The following ADAMTS12 variants were observed in gnomAD, a reference collection of about 807,000 sequenced individuals.
ADAMTS12 encodes the protein ADAM metallopeptidase with thrombospondin type 1 motif 12.
ADAMTS12 carries 118 observed loss-of-function variants against 167.8 expected under a neutral mutation model. The observed-to-expected ratio is 0.70, with a 90% confidence interval of 0.61 to 0.82. The LOEUF (loss-of-function observed/expected upper bound fraction) is 0.82. Ranked by LOEUF, ADAMTS12 falls within the 40% of genes least tolerant of loss-of-function variation. The pLI, the probability that ADAMTS12 is intolerant of heterozygous loss-of-function variation, is 0.00. For missense variants in ADAMTS12, 1,916 were observed against 1,998.8 expected (o/e 0.96, Z 0.79); for synonymous variants, 704 against 716.9 (o/e 0.98, Z 0.29).
At chr5:33,559,256 T>G (rs1051513610) in intron 20 of ADAMTS12, among the ~76,000 whole-genome samples, 1 of 152,168 alleles carries the variant, frequency 6.6e-6, no homozygotes, top group African/African-American at 2.4e-5. Context: ...ACCAGCTCCC[T>G]GGAGAGAAGA....
chr5:33,673,404 GC>G (rs1741789809), intron 5 of ADAMTS12, among the ~76,000 whole-genome samples: 1 of 152,052 alleles, frequency 6.6e-6, no homozygotes, highest in African/African-American at 2.4e-5. Flanking sequence ...ACTTTAACCT[GC>G]GATTCCTTCT....
At chr5:33,571,114 C>T (rs1404657886) in intron 19 of ADAMTS12, among the ~76,000 whole-genome samples, 2 of 152,154 alleles carry the variant, frequency 1.3e-5, no homozygotes, top group Admixed American at 6.5e-5. Context: ...GAGTGACCTA[C>T]AAAGAGACTT....
chr5:33,666,965 T>A (rs777680279), intron 5 of ADAMTS12, among the ~76,000 whole-genome samples: 90 of 152,320 alleles, frequency 5.9e-4, no homozygotes, highest in Non-Finnish European at 9.1e-4. Context: ...ACATACTTCA[T>A]CTTATTTGAT....
intron 2 of ADAMTS12, among the ~76,000 whole-genome samples, chr5:33,782,992 A>C (rs972984298): frequency 2.6e-5 from 4 of 152,058 alleles, no homozygotes; most frequent in African/African-American, 4.8e-5. Context: ...GCGCATGCCA[A>C]CTATTCTCCA....
chr5:33,789,224 C>A (rs1447818313), intron 2 of ADAMTS12, among the ~76,000 whole-genome samples: 1 of 152,202 alleles, frequency 6.6e-6, no homozygotes, highest in Non-Finnish European at 1.5e-5. Flanking sequence ...CTGCTGTGTC[C>A]CAGGCCCAAG....
chr5:33,641,755 C>T, intron 11 of ADAMTS12, 55 bp downstream of exon 11: 2 of 1,472,372 alleles, frequency 1.4e-6, no homozygotes, highest in Non-Finnish European at 1.8e-6. Context: ...AGACTGCCCC[C>T]CATCCCGCCC....
chr5:33,611,952 T>C (rs1354744481), intron 16 of ADAMTS12, among the ~76,000 whole-genome samples: 1 of 152,230 alleles, frequency 6.6e-6, no homozygotes. Context: ...CAATTTTTCA[T>C]GTTTCAGTAA....
At chr5:33,551,920 C>T (rs1745267803) in intron 20 of ADAMTS12, among the ~76,000 whole-genome samples, 1 of 152,134 alleles carries the variant, frequency 6.6e-6, no homozygotes, top group Admixed American at 6.6e-5. Flanking sequence ...TTTCTTATTG[C>T]CTGAGAGGAA....
At chr5:33,603,956 A>C (rs549877554) in intron 16 of ADAMTS12, among the ~76,000 whole-genome samples, 1 of 152,340 alleles carries the variant, frequency 6.6e-6, no homozygotes, top group African/African-American at 2.4e-5. Context: ...GAGCTCTGTC[A>C]GGCTCCTGGC....
Position 33,576,703 on chromosome 5 carries a change from C to T in ADAMTS12, c.3323G>A (p.Ser1108Asn). 8 of 1,614,222 alleles carry T rather than the reference C, an allele frequency of 5.0e-6. No individual in the cohort carries two copies. Among genetic ancestry groups the T allele is most frequent in the Non-Finnish European group, 6.8e-6 (8 of 1,180,034 alleles). Reference sequence around the variant, plus strand: ...CTCCGAGGTAGGACCAGTATCTGAACTGGAAACATTTTCCTCACTTGGCTG... The same window carrying T: ...CTCCGAGGTAGGACCAGTATCTGAATTGGAAACATTTTCCTCACTTGGCTG... Reference protein sequence around the residue: ...SIQPSEENVSSSDTGPTSEGG... With the variant: ...SIQPSEENVSNSDTGPTSEGG... Residue 1108 changes from serine to asparagine, a missense_variant, in exon 19 of 24, where the codon AGT (serine) becomes AAT (asparagine). By Grantham distance (46) the Ser-to-Asn change is conservative. Coordinates refer to ENST00000504830, the MANE Select transcript of ADAMTS12 (RefSeq NM_030955.4).
At chr5:33,879,279 A>T (rs1750341627) in intron 2 of ADAMTS12, among the ~76,000 whole-genome samples, 2 of 151,976 alleles carry the variant, frequency 1.3e-5, no homozygotes, top group Non-Finnish European at 2.9e-5. Flanking sequence ...TGTCTTTGTA[A>T]TGAGCTCCCC....
Position 33,740,624 on chromosome 5 carries a change from G to A in ADAMTS12, c.634+10780C>T, listed in dbSNP as rs114401305. Among the ~76,000 whole-genome samples, 744 of 152,274 alleles carry A rather than the reference G, an allele frequency of 4.9e-3. 2 individuals carry two copies. Among genetic ancestry groups the A allele is most frequent in the African/African-American group, 0.017 (689 of 41,548 alleles). ...GCTATGTCCCACTCCAAGACACTGC[G>A]GGCACGCACCCAATCCTGACCCTCC... On this transcript the variant is annotated intron_variant, in intron 3 of 23. Coordinates refer to ENST00000504830, the MANE Select transcript of ADAMTS12 (RefSeq NM_030955.4).
chr5:33,739,053 A>C (rs1744472212), intron 3 of ADAMTS12, among the ~76,000 whole-genome samples: 1 of 152,168 alleles, frequency 6.6e-6, no homozygotes, highest in Non-Finnish European at 1.5e-5. Flanking sequence ...AGTTAGGTTA[A>C]ACAAAGAGTT....
At chr5:33,873,383 G>A (rs959307699) in intron 2 of ADAMTS12, among the ~76,000 whole-genome samples, 10 of 151,900 alleles carry the variant, frequency 6.6e-5, no homozygotes, top group South Asian at 2.1e-4. Context: ...CTATATGAGG[G>A]AAAATACAAA....
chr5:33,826,078 C>T (rs1441886831), intron 2 of ADAMTS12, among the ~76,000 whole-genome samples: 2 of 152,078 alleles, frequency 1.3e-5, no homozygotes, highest in African/African-American at 4.8e-5. Flanking sequence ...AAAAAGAAGT[C>T]CTCTTAAAAA....
At chr5:33,835,609 G>A (rs1273827972) in intron 2 of ADAMTS12, among the ~76,000 whole-genome samples, 3 of 152,124 alleles carry the variant, frequency 2.0e-5, no homozygotes, top group South Asian at 2.1e-4. Context: ...TAACTAGCTC[G>A]CTGCGGCCTC....
intron 3 of ADAMTS12, among the ~76,000 whole-genome samples, chr5:33,716,098 T>G (rs1294599650): frequency 6.6e-6 from 1 of 152,140 alleles, no homozygotes; most frequent in Non-Finnish European, 1.5e-5. Context: ...GAATCCCCAG[T>G]GCAGAGGTGT....
chr5:33,852,733 C>T (rs576105761), intron 2 of ADAMTS12, among the ~76,000 whole-genome samples: 1 of 152,046 alleles, frequency 6.6e-6, no homozygotes, highest in South Asian at 2.1e-4. Flanking sequence ...GGGAAATAAG[C>T]AAATCCAGCA....
Position 33,778,253 on chromosome 5 carries a change from T to C in ADAMTS12, c.490-26705A>G, listed in dbSNP as rs144019798. The stretch of plus-strand genomic sequence containing the variant: ...AAAAGTTGAAGCTGGAAGCAAAACA[T>C]TACCTGATTTCAAAATATACTACAA... On this transcript the variant is annotated intron_variant, in intron 2 of 23. Coordinates refer to ENST00000504830, the MANE Select transcript of ADAMTS12 (RefSeq NM_030955.4). 7.9e-3 allele frequency among the ~76,000 whole-genome samples: 1,208 copies of C among 152,222 alleles called. 18 individuals carry two copies. Among genetic ancestry groups the C allele is most frequent in the African/African-American group, 0.028 (1,156 of 41,548 alleles).
Sources: gnomAD v4.1 joint callset for allele counts (sites outside exome capture counted in the v4.1 genomes callset) on GRCh38, gnomAD v4.1.1 for gene constraint, MANE v1.5 for transcripts, NCBI Gene and HGNC (gene_info 2026-07-23, HGNC 2026-07-21) for gene names.